CADM2: variants seen among roughly 807,000 people sequenced by gnomAD.
The protein encoded by CADM2 is cell adhesion molecule 2.
CADM2 carries 12 observed loss-of-function variants against 49.8 expected under a neutral mutation model. The ratio of observed to expected loss-of-function variants is 0.24; its 90% CI spans 0.15 to 0.39. The LOEUF (loss-of-function observed/expected upper bound fraction) is 0.39, where lower values mean the gene tolerates loss of function less well. Among genes scored for constraint, CADM2 ranks in the 10% least tolerant of loss-of-function variants. The pLI, the probability that CADM2 is intolerant of heterozygous loss-of-function variation, is 1.00. For missense variants in CADM2, 378 were observed against 492.3 expected, an observed-to-expected ratio of 0.77 and a Z score of 2.20; for synonymous variants, 214 against 175.4, an observed-to-expected ratio of 1.22 and a Z score of -1.74.
intron 3 of CADM2, among the ~76,000 whole-genome samples, chr3:85,860,196 C>G (rs1269503936): frequency 6.6e-6 from 1 of 152,038 alleles, no homozygotes; most frequent in Non-Finnish European, 1.5e-5. Context: ...AGTAGCAAAT[C>G]CATTCATTCA....
intron 2 of CADM2, among the ~76,000 whole-genome samples, chr3:85,761,366 A>AATTTTTT: frequency 7.4e-6 from 1 of 135,358 alleles, no homozygotes; most frequent in African/African-American, 3.3e-5. Flanking sequence ...ACAACACAAA[A>AATTTTTT]CTTTTTTTTT....
At chr3:85,278,114 A>G (rs2043405438) in intron 1 of CADM2, among the ~76,000 whole-genome samples, 1 of 150,400 alleles carries the variant, frequency 6.6e-6, no homozygotes, top group South Asian at 2.1e-4. Context: ...TTTACAACCT[A>G]TATTATACAG....
chr3:85,916,805 C>A (rs1192382887), intron 6 of CADM2, among the ~76,000 whole-genome samples: 2 of 152,106 alleles, frequency 1.3e-5, no homozygotes, highest in East Asian at 3.9e-4. Flanking sequence ...AAAAGTGTTT[C>A]TATTTCTCCA....
chr3:85,270,691 C>T (rs1026986064), intron 1 of CADM2, among the ~76,000 whole-genome samples: 9 of 151,020 alleles, frequency 6.0e-5, no homozygotes, highest in Non-Finnish European at 4.4e-5. Flanking sequence ...AGAAGGAACT[C>T]GAATATCTGG....
At chr3:85,987,423 T>C (rs1728243348) in intron 8 of CADM2, among the ~76,000 whole-genome samples, 1 of 151,546 alleles carries the variant, frequency 6.6e-6, no homozygotes. Context: ...TTTTCACTGC[T>C]CTACATTTAG....
rs534950306 is a variant in CADM2 at position 85,644,488 on chromosome 3, A to G, written c.62-82034A>G. On this transcript the variant is annotated intron_variant, in intron 1 of 9. Coordinates refer to ENST00000383699, the MANE Select transcript of CADM2 (RefSeq NM_001167675.2). ...TGTTTCTATACAAAACAAACTTAAT[A>G]GAACCAAATGATAAAAGAGAAGAGA... 2.0e-5 allele frequency among the ~76,000 whole-genome samples: 3 copies of G among 152,290 alleles called. No individual in the cohort carries two copies. In the South Asian group the frequency reaches 6.2e-4, roughly 32 times the overall value.
intron 6 of CADM2, among the ~76,000 whole-genome samples, chr3:85,933,069 T>C (rs1720794994): frequency 6.6e-6 from 1 of 152,142 alleles, no homozygotes; most frequent in Non-Finnish European, 1.5e-5. Context: ...TGTGCGTTCC[T>C]CTTTTCTCAC....
intron 1 of CADM2, among the ~76,000 whole-genome samples, chr3:85,549,093 C>T (rs1035814654): frequency 6.6e-6 from 1 of 152,120 alleles, no homozygotes; most frequent in African/African-American, 2.4e-5. Context: ...TGTACAGCCT[C>T]TAAGTGGAAA....
At chr3:85,411,982 C>T (rs1243358472) in intron 1 of CADM2, among the ~76,000 whole-genome samples, 1 of 152,120 alleles carries the variant, frequency 6.6e-6, no homozygotes, top group African/African-American at 2.4e-5. Flanking sequence ...CATATGCCAC[C>T]ATGCCCAGCT....
At chr3:85,858,353 C>T (rs2075393327) in intron 3 of CADM2, among the ~76,000 whole-genome samples, 1 of 152,160 alleles carries the variant, frequency 6.6e-6, no homozygotes, top group Non-Finnish European at 1.5e-5. Flanking sequence ...TATAAAATGC[C>T]ATCTGAACAT....
chr3:85,392,893 A>G (rs1424873858), intron 1 of CADM2, among the ~76,000 whole-genome samples: 1 of 152,020 alleles, frequency 6.6e-6, no homozygotes, highest in East Asian at 1.9e-4. Context: ...ATTTATTCTT[A>G]CTATCATTTT....
At chr3:85,287,666 A>G (rs534352096) in intron 1 of CADM2, among the ~76,000 whole-genome samples, 2 of 152,248 alleles carry the variant, frequency 1.3e-5, no homozygotes, top group African/African-American at 4.8e-5. Flanking sequence ...GTCATTATTA[A>G]TTATTAGGAA....
At chr3:85,893,961 T>G (rs912975945) in intron 5 of CADM2, among the ~76,000 whole-genome samples, 1 of 152,200 alleles carries the variant, frequency 6.6e-6, no homozygotes, top group Non-Finnish European at 1.5e-5. Context: ...GATCTAGAAC[T>G]GGAAATACCA....
intron 1 of CADM2, among the ~76,000 whole-genome samples, chr3:85,030,946 CAG>C (rs58978902): frequency 0.31 from 47,054 of 151,898 alleles, 7,957 homozygotes; most frequent in Middle Eastern, 0.4. Context: ...GGGGTATTTA[CAG>C]AGAGGTGGGG....
At chr3:85,582,664 G>A (rs543444484) in intron 1 of CADM2, among the ~76,000 whole-genome samples, 1 of 152,174 alleles carries the variant, frequency 6.6e-6, no homozygotes, top group South Asian at 2.1e-4. Context: ...CATAATCTCA[G>A]CTACACAGAA....
chr3:85,295,101 A>C (rs2043920086), intron 1 of CADM2, among the ~76,000 whole-genome samples: 1 of 152,182 alleles, frequency 6.6e-6, no homozygotes, highest in Non-Finnish European at 1.5e-5. Context: ...GAAGAAAAAA[A>C]CAAACAACCC....
At chr3:86,013,573 G>A in intron 8 of CADM2, 2 of 1,601,518 alleles carry the variant, frequency 1.2e-6, no homozygotes, top group East Asian at 2.2e-5. Context: ...TGTGAGAGCT[G>A]TATTCGAGAA....
At chr3:85,468,086 G>A (rs1263980082) in intron 1 of CADM2, among the ~76,000 whole-genome samples, 3 of 147,816 alleles carry the variant, frequency 2.0e-5, no homozygotes, top group African/African-American at 7.7e-5. Flanking sequence ...CCCGGGAGGC[G>A]GAGCTTGCAG....
intron 7 of CADM2, among the ~76,000 whole-genome samples, chr3:85,944,568 CT>C (rs1219720692): frequency 2.0e-5 from 3 of 151,984 alleles, no homozygotes; most frequent in Non-Finnish European, 4.4e-5. Flanking sequence ...TTATAACAAA[CT>C]GTCTGTCAGA....
Sources: gnomAD v4.1 joint callset for allele counts (sites outside exome capture counted in the v4.1 genomes callset) on GRCh38, gnomAD v4.1.1 for gene constraint, MANE v1.5 for transcripts, NCBI Gene and HGNC (gene_info 2026-07-23, HGNC 2026-07-21) for gene names.